The following HPSE2 variants were observed in gnomAD, a reference collection of about 807,000 sequenced individuals.
HPSE2 encodes heparanase 2 (inactive).
Under a neutral mutation model 60.5 loss-of-function variants are expected in HPSE2, and 38 were observed. That is an observed-to-expected ratio of 0.63 (90% confidence interval 0.48 to 0.82). The LOEUF is 0.82. HPSE2 is among the 40% of genes least tolerant of loss of function. The pLI, the probability that HPSE2 is intolerant of heterozygous loss-of-function variation, is 0.00. For synonymous variants in HPSE2, 295 were observed against 293.2 expected, an observed-to-expected ratio of 1.01 and a Z score of -0.06; for missense variants, 713 against 740.4, an observed-to-expected ratio of 0.96 and a Z score of 0.43.
chr10:98,893,604 C>T (rs370275740), intron 3 of HPSE2, among the ~76,000 whole-genome samples: 42 of 152,160 alleles, frequency 2.8e-4, no homozygotes, highest in African/African-American at 9.1e-4. Context: ...CACTACTTGA[C>T]CTGCATTAAA....
intron 6 of HPSE2, among the ~76,000 whole-genome samples, chr10:98,678,312 T>C (rs1033220078): frequency 6.6e-6 from 1 of 152,166 alleles, no homozygotes; most frequent in African/African-American, 2.4e-5. Context: ...TGCCAAAAAA[T>C]GTGATGATGG....
intron 3 of HPSE2, among the ~76,000 whole-genome samples, chr10:98,798,868 G>A (rs986848981): frequency 6.6e-6 from 1 of 152,148 alleles, no homozygotes; most frequent in Non-Finnish European, 1.5e-5. Flanking sequence ...AAAATGGCAA[G>A]AGTAAGTCTG....
intron 2 of HPSE2, among the ~76,000 whole-genome samples, chr10:99,176,191 C>T (rs1847519807): frequency 6.6e-6 from 1 of 152,154 alleles, no homozygotes; most frequent in Admixed American, 6.5e-5. Context: ...CCTGAAAATT[C>T]CAAAAACCAG....
At chr10:98,570,657 T>G (rs1315814499) in intron 9 of HPSE2, among the ~76,000 whole-genome samples, 1 of 152,132 alleles carries the variant, frequency 6.6e-6, no homozygotes, top group African/African-American at 2.4e-5. Context: ...TTCCTTTAGC[T>G]TTTTCACATA....
chr10:98,639,448 C>A (rs948622597), intron 7 of HPSE2, among the ~76,000 whole-genome samples: 2 of 152,130 alleles, frequency 1.3e-5, no homozygotes, highest in African/African-American at 2.4e-5. Flanking sequence ...AAGTTCAGAC[C>A]CTGCTGCTAA....
Position 98,600,929 on chromosome 10 carries a change from A to ATATATATG in HPSE2, c.1320+13974_1320+13975insCATATATA, listed in dbSNP as rs1565003198. 7.5e-4 allele frequency among the ~76,000 whole-genome samples: 53 copies of ATATATATG among 70,566 alleles called. 1 individual carries two copies. In the South Asian group the frequency reaches 0.037, roughly 49 times the overall value. The allele number at this position is 70,566 out of a possible 152,430, so 46.3% of individuals were successfully genotyped here. ...TGTGTGTGTATATATATATATATATATATATATATATAGAAAGAGAGAAAG... is the reference window on the plus strand; with the variant it reads ...TGTGTGTGTATATATATATATATATATATATATGTATATATATATAGAAAGAGAGAAAG... On this transcript the variant is annotated intron_variant, in intron 9 of 11. Coordinates refer to ENST00000370552, the MANE Select transcript of HPSE2 (RefSeq NM_021828.5).
chr10:98,763,992 A>G (rs1430562395), intron 3 of HPSE2, among the ~76,000 whole-genome samples: 1 of 152,130 alleles, frequency 6.6e-6, no homozygotes, highest in African/African-American at 2.4e-5. Flanking sequence ...CAAAAATCAC[A>G]ACACTGTCTG....
the HPSE2 span, among the ~76,000 whole-genome samples, chr10:99,304,398 C>T: frequency 5.9e-5 from 9 of 152,348 alleles, no homozygotes; most frequent in Admixed American, 2.6e-4. Flanking sequence ...TACTCTCTGC[C>T]TACAGGATAG....
At chr10:98,871,902 A>C (rs1952742341) in intron 3 of HPSE2, among the ~76,000 whole-genome samples, 1 of 152,170 alleles carries the variant, frequency 6.6e-6, no homozygotes, top group Non-Finnish European at 1.5e-5. Flanking sequence ...TGAAAACTGG[A>C]TAGGAAAGCA....
At chr10:98,853,491 CT>C (rs1952232148) in intron 3 of HPSE2, among the ~76,000 whole-genome samples, 1 of 151,966 alleles carries the variant, frequency 6.6e-6, no homozygotes, top group Non-Finnish European at 1.5e-5. Flanking sequence ...TTTTTCTCTC[CT>C]TTTTTATCTT....
At chr10:99,206,941 A>C (rs1848768770) in intron 2 of HPSE2, among the ~76,000 whole-genome samples, 1 of 152,100 alleles carries the variant, frequency 6.6e-6, no homozygotes, top group Admixed American at 6.6e-5. Flanking sequence ...TTTTTTAGGT[A>C]TAAGAGTTCA....
At chr10:98,896,545 A>C (rs930675995) in intron 3 of HPSE2, among the ~76,000 whole-genome samples, 5 of 152,168 alleles carry the variant, frequency 3.3e-5, no homozygotes, top group Admixed American at 2.6e-4. Flanking sequence ...AGAAAACAGA[A>C]AAACACCTAA....
chr10:99,090,557 T>C (rs1016381942), intron 3 of HPSE2, among the ~76,000 whole-genome samples: 1 of 152,076 alleles, frequency 6.6e-6, no homozygotes, highest in African/African-American at 2.4e-5. Context: ...TAAGTATACA[T>C]GCATAAATGA....
intron 3 of HPSE2, among the ~76,000 whole-genome samples, chr10:99,094,538 ATATTTTTTTTTTTTTTT>A (rs1245599777): frequency 4.4e-5 from 1 of 22,734 alleles, no homozygotes; most frequent in Non-Finnish European, 8.7e-5. Flanking sequence ...ATATATATAT[ATATTTTTTTTTTTTTTT>A]TTTTTTTTTT....
At position 98,994,568 on chromosome 10, in the gene HPSE2, C is replaced by T. The variant is rs533462914; in HGVS notation, c.610+149670G>A. Among the ~76,000 whole-genome samples the T allele has an allele frequency of 2.6e-5, 4 of 152,320 alleles. No individual in the cohort carries two copies. The South Asian group carries it at 8.3e-4, about 32-fold the overall frequency. On this transcript the variant is annotated intron_variant, in intron 3 of 11. Coordinates refer to ENST00000370552, the MANE Select transcript of HPSE2 (RefSeq NM_021828.5). ...CCACTGCAGAGCAGTGCATCTTGTCCTAGATATGCATAGTAAAGCCCGGTT... is the reference window on the plus strand; with the variant it reads ...CCACTGCAGAGCAGTGCATCTTGTCTTAGATATGCATAGTAAAGCCCGGTT...
intron 3 of HPSE2, among the ~76,000 whole-genome samples, chr10:99,138,378 A>G (rs1032211092): frequency 6.6e-6 from 1 of 152,216 alleles, no homozygotes; most frequent in Non-Finnish European, 1.5e-5. Context: ...TGACCCAGCA[A>G]TCCCATTACT....
At chr10:98,987,158 C>T (rs1403408219) in intron 3 of HPSE2, among the ~76,000 whole-genome samples, 4 of 152,048 alleles carry the variant, frequency 2.6e-5, no homozygotes, top group African/African-American at 9.7e-5. Flanking sequence ...CCAGCATCAT[C>T]CTGATACCAA....
chr10:99,233,362 G>T (rs1849731826), intron 1 of HPSE2, among the ~76,000 whole-genome samples: 1 of 152,112 alleles, frequency 6.6e-6, no homozygotes, highest in Non-Finnish European at 1.5e-5. Context: ...GTTTGGAACC[G>T]CTAGGGAAAA....
chr10:98,568,296 T>C (rs934071223), intron 9 of HPSE2, among the ~76,000 whole-genome samples: 1 of 152,236 alleles, frequency 6.6e-6, no homozygotes, highest in African/African-American at 2.4e-5. Flanking sequence ...CAAGTTACTT[T>C]AACTTCTATA....
Sources: gnomAD v4.1 joint callset for allele counts (sites outside exome capture counted in the v4.1 genomes callset) on GRCh38, gnomAD v4.1.1 for gene constraint, MANE v1.5 for transcripts, NCBI Gene and HGNC (gene_info 2026-07-23, HGNC 2026-07-21) for gene names.